Variants in C1orf105 observed in about 807,000 individuals in gnomAD.
C1orf105 encodes uncharacterized protein C1orf105.
Under a neutral mutation model 20.8 loss-of-function variants are expected in C1orf105, and 17 were observed. The observed-to-expected ratio is 0.82, with a 90% CI of 0.56 to 1.23. C1orf105 has a LOEUF of 1.23. Ranked by LOEUF, C1orf105 falls within the 50% of genes most tolerant of loss-of-function variation. The pLI, the probability that C1orf105 is intolerant of heterozygous loss-of-function variation, is 0.00. For missense variants in C1orf105, 219 were observed against 213.5 expected (o/e 1.03, Z -0.16); for synonymous variants, 72 against 72.1 (o/e 1.00, Z 0.01).
At chr1:172,442,420 A>T (rs762655353) in intron 1 of C1orf105, 1 of 1,614,152 alleles carries the variant, frequency 6.2e-7, no homozygotes, top group Middle Eastern at 1.7e-4. Context: ...GATAACCACA[A>T]AAACACAAAC....
chr1:172,458,359 A>G (rs904662198), intron 4 of C1orf105, among the ~76,000 whole-genome samples: 1 of 152,238 alleles, frequency 6.6e-6, no homozygotes. Flanking sequence ...CTAATAAATG[A>G]GTACAGCAGT....
At chr1:172,454,056 G>A (rs1648962987) in intron 3 of C1orf105, among the ~76,000 whole-genome samples, 1 of 152,140 alleles carries the variant, frequency 6.6e-6, no homozygotes, top group Admixed American at 6.5e-5. Context: ...GATTTGCAAT[G>A]AGCTCTGAGA....
chr1:172,454,595 C>G (rs779409905), intron 3 of C1orf105, among the ~76,000 whole-genome samples: 1 of 152,094 alleles, frequency 6.6e-6, no homozygotes, highest in Non-Finnish European at 1.5e-5. Flanking sequence ...TTCACTTACC[C>G]GAAGCTGATT....
At chr1:172,458,050 G>T (rs1215606669) in intron 4 of C1orf105, among the ~76,000 whole-genome samples, 5 of 152,142 alleles carry the variant, frequency 3.3e-5, no homozygotes, top group Admixed American at 6.5e-5. Flanking sequence ...TATATAAAAA[G>T]ACTCCTAGGA....
intron 1 of C1orf105, chr1:172,441,691 C>T: frequency 6.8e-7 from 1 of 1,478,482 alleles, no homozygotes; most frequent in Non-Finnish European, 9.1e-7. Context: ...GGAGGCTAAT[C>T]TATCAGCTTG....
intron 1 of C1orf105, among the ~76,000 whole-genome samples, chr1:172,421,107 A>G (rs1340746506): frequency 6.6e-6 from 1 of 152,188 alleles, no homozygotes. Flanking sequence ...GGGGCATGAT[A>G]AATTTCAATG....
intron 1 of C1orf105, among the ~76,000 whole-genome samples, chr1:172,439,806 T>C (rs2072160867): frequency 2.0e-5 from 3 of 152,188 alleles, no homozygotes; most frequent in Non-Finnish European, 1.5e-5. Flanking sequence ...CTCTTTACTA[T>C]CTTCAACCAC....
intron 1 of C1orf105, among the ~76,000 whole-genome samples, chr1:172,427,084 C>T (rs1179862459): frequency 6.6e-6 from 1 of 152,186 alleles, no homozygotes; most frequent in East Asian, 1.9e-4. Flanking sequence ...CTTGTTCATT[C>T]ACTCTCCCAA....
intron 1 of C1orf105, chr1:172,430,364 C>G (rs1194355284): frequency 1.3e-5 from 9 of 688,722 alleles, no homozygotes; most frequent in Non-Finnish European, 2.1e-5. Context: ...CTGATGGCAG[C>G]AGTTAAGGGC....
intron 4 of C1orf105, among the ~76,000 whole-genome samples, chr1:172,459,866 A>T (rs1342854396): frequency 6.6e-6 from 1 of 152,178 alleles, no homozygotes; most frequent in African/African-American, 2.4e-5. Context: ...TATTAATCAT[A>T]AAAAAGAATG....
chr1:172,452,955 A>C, intron 3 of C1orf105: 3 of 1,542,044 alleles, frequency 1.9e-6, no homozygotes, highest in Non-Finnish European at 2.6e-6. Context: ...CCGAGTGAGA[A>C]GGGAATGCAA....
intron 4 of C1orf105, among the ~76,000 whole-genome samples, chr1:172,461,434 A>G (rs1314168403): frequency 6.6e-6 from 1 of 152,190 alleles, no homozygotes; most frequent in African/African-American, 2.4e-5. Flanking sequence ...TTGTCATTTT[A>G]TTATTATAGC....
chr1:172,428,761 T>TA, intron 1 of C1orf105: 1 of 692,640 alleles, frequency 1.4e-6, no homozygotes, highest in South Asian at 1.5e-5. Flanking sequence ...TCAGCTCTAC[T>TA]AGGTCAAGAA....
At chr1:172,422,671 A>T (rs2071620696) in intron 1 of C1orf105, among the ~76,000 whole-genome samples, 1 of 151,792 alleles carries the variant, frequency 6.6e-6, no homozygotes, top group Non-Finnish European at 1.5e-5. Context: ...AAAGAGCACC[A>T]AGCCAGCTCT....
rs1424579392 is a variant in C1orf105 at position 172,445,135 on chromosome 1, A to T, written c.84A>T (p.Pro28=). 6.2e-7 allele frequency: 1 copy of T among 1,613,090 alleles called. No homozygotes were observed. Residue 28 remains proline, a synonymous_variant, in exon 2 of 7, where the codon CCA becomes CCT. Transcript: ENST00000367727. The stretch of plus-strand genomic sequence containing the variant: ...GTGAGGCCAGCCTTGTAAACAAGCC[A>T]TTAGTGCTCAGCCTTCCCAGAAGGT... ...WLSEASLVNK[P]LVLSLPRRYP... is the part of the protein sequence containing the mutation.
At chr1:172,441,759 G>A (rs746524176) in intron 1 of C1orf105, 1 of 1,566,866 alleles carries the variant, frequency 6.4e-7, no homozygotes, top group Non-Finnish European at 8.6e-7. Flanking sequence ...AGTCTTCCTT[G>A]ATTTCAGCTT....
chr1:172,441,741 C>T (rs186506600), intron 1 of C1orf105: 2 of 1,548,188 alleles, frequency 1.3e-6, no homozygotes, highest in South Asian at 1.3e-5. Context: ...AACTGAGGAA[C>T]CTGGACAAGT....
At chr1:172,447,427 C>T (rs1001272252) in intron 2 of C1orf105, among the ~76,000 whole-genome samples, 1 of 152,160 alleles carries the variant, frequency 6.6e-6, no homozygotes, top group South Asian at 2.1e-4. Context: ...CATCGTCAGT[C>T]TCCAAAGCCC....
intron 3 of C1orf105, among the ~76,000 whole-genome samples, chr1:172,449,783 T>C (rs1648406809): frequency 6.6e-6 from 1 of 151,952 alleles, no homozygotes; most frequent in African/African-American, 2.4e-5. Context: ...GTGCACTGGG[T>C]AGAGGTGGGG....
Sources: gnomAD v4.1 joint callset for allele counts (sites outside exome capture counted in the v4.1 genomes callset) on GRCh38, gnomAD v4.1.1 for gene constraint, MANE v1.5 for transcripts, NCBI Gene and HGNC (gene_info 2026-07-23, HGNC 2026-07-21) for gene names.